ZNF385D: variants seen among roughly 807,000 people sequenced by gnomAD.
ZNF385D encodes zinc finger protein 659.
ZNF385D carries 15 observed loss-of-function variants against 35.8 expected under a neutral mutation model. The ratio of observed to expected loss-of-function variants is 0.42; its 90% CI spans 0.28 to 0.64. The LOEUF is 0.64. Ranked by LOEUF, ZNF385D falls within the 30% of genes least tolerant of loss-of-function variation. The pLI is 0.23. For missense variants in ZNF385D, 474 were observed against 494.6 expected (o/e 0.96, Z 0.39); for synonymous variants, 212 against 186.8 (o/e 1.13, Z -1.10).
At chr3:21,843,194 A>T (rs1695786487) in intron 3 of ZNF385D, among the ~76,000 whole-genome samples, 1 of 152,042 alleles carries the variant, frequency 6.6e-6, no homozygotes, top group East Asian at 1.9e-4. Context: ...CTGAGCAGTT[A>T]GAAGATAGTA....
chr3:21,630,045 A>C (rs1048850988), intron 2 of ZNF385D, among the ~76,000 whole-genome samples: 2 of 152,096 alleles, frequency 1.3e-5, no homozygotes, highest in African/African-American at 4.8e-5. Context: ...TCATCCTATG[A>C]AGTTTATTTT....
At chr3:22,307,498 G>C (rs888371274) in intron 2 of ZNF385D, among the ~76,000 whole-genome samples, 4 of 152,052 alleles carry the variant, frequency 2.6e-5, no homozygotes, top group Admixed American at 2.0e-4. Flanking sequence ...TGGTTATTTG[G>C]AGAATAAATA....
intron 3 of ZNF385D, among the ~76,000 whole-genome samples, chr3:21,775,719 T>C (rs891454888): frequency 2.0e-5 from 3 of 151,928 alleles, no homozygotes; most frequent in Admixed American, 6.6e-5. Context: ...AAGTATTCGA[T>C]GACAGGAAAT....
At chr3:21,475,910 A>G (rs1231362409) in intron 4 of ZNF385D, among the ~76,000 whole-genome samples, 2 of 152,046 alleles carry the variant, frequency 1.3e-5, no homozygotes, top group African/African-American at 2.4e-5. Context: ...TTATGTAGGG[A>G]AAGACCTCAT....
intron 3 of ZNF385D, among the ~76,000 whole-genome samples, chr3:21,927,540 A>C (rs1700789814): frequency 6.6e-6 from 1 of 152,170 alleles, no homozygotes; most frequent in South Asian, 2.1e-4. Context: ...AACGAAACAA[A>C]AAGAGATTGC....
intron 1 of ZNF385D, among the ~76,000 whole-genome samples, chr3:21,690,649 C>T (rs749349457): frequency 2.0e-5 from 3 of 152,184 alleles, no homozygotes; most frequent in African/African-American, 7.2e-5. Context: ...TCTCACCATA[C>T]ACTTTTCTCT....
intron 2 of ZNF385D, among the ~76,000 whole-genome samples, chr3:22,264,037 T>C (rs780861015): frequency 2.0e-5 from 3 of 151,934 alleles, no homozygotes; most frequent in Non-Finnish European, 4.4e-5. Context: ...GCAATGTGAA[T>C]ATAAATATAT....
At chr3:21,873,088 G>A (rs78438499) in intron 3 of ZNF385D, among the ~76,000 whole-genome samples, 2,170 of 152,206 alleles carry the variant, frequency 0.014, 44 homozygotes, top group African/African-American at 0.049. Flanking sequence ...ATTGGTACAA[G>A]TGGATTTTAT....
intron 2 of ZNF385D, among the ~76,000 whole-genome samples, chr3:21,636,409 T>G (rs1559478956): frequency 6.8e-5 from 3 of 44,096 alleles, no homozygotes; most frequent in South Asian, 6.6e-4. Flanking sequence ...TATATATATA[T>G]ATATAGAGTT....
At chr3:22,153,207 G>C (rs1383934771) in intron 3 of ZNF385D, among the ~76,000 whole-genome samples, 1 of 152,114 alleles carries the variant, frequency 6.6e-6, no homozygotes, top group Non-Finnish European at 1.5e-5. Flanking sequence ...CAGAGAATGA[G>C]CAACCTCCTG....
rs368022316 is a variant in ZNF385D, at chr3:21,704,652, G to A, written c.23-39624C>T. ...GTCACATGAGTAGCTGGGACTACAG[G>A]CATGCACCACCAGGCCCAGCTAGGA... On this transcript the variant is annotated intron_variant, in intron 1 of 7. Coordinates refer to ENST00000281523, the MANE Select transcript of ZNF385D (RefSeq NM_024697.3). Among the ~76,000 whole-genome samples the A allele has an allele frequency of 7.7e-4, 117 of 151,934 alleles. 1 individual carries two copies. The highest frequency in any genetic ancestry group is 2.9e-3 in the South Asian group (14 of 4,790).
At chr3:21,577,444 A>G (rs561451089) in intron 2 of ZNF385D, among the ~76,000 whole-genome samples, 3 of 152,260 alleles carry the variant, frequency 2.0e-5, no homozygotes, top group Admixed American at 6.5e-5. Context: ...TATCTTAGCT[A>G]TTGTGCATAA....
intron 3 of ZNF385D, among the ~76,000 whole-genome samples, chr3:22,102,524 G>A (rs1312217044): frequency 6.6e-6 from 1 of 151,926 alleles, no homozygotes; most frequent in Non-Finnish European, 1.5e-5. Flanking sequence ...TCTAAAACCA[G>A]GGAAGGCTAT....
chr3:22,250,911 A>G (rs1014136066), intron 2 of ZNF385D, among the ~76,000 whole-genome samples: 2 of 152,094 alleles, frequency 1.3e-5, no homozygotes, highest in Non-Finnish European at 2.9e-5. Context: ...TTTATTAATG[A>G]GGACTTGAGA....
At chr3:22,296,160 T>G (rs1158033181) in intron 2 of ZNF385D, among the ~76,000 whole-genome samples, 1 of 152,160 alleles carries the variant, frequency 6.6e-6, no homozygotes, top group Non-Finnish European at 1.5e-5. Flanking sequence ...CAGATAACAC[T>G]TTCTGTTTCA....
At chr3:22,097,702 G>C (rs1033439414) in intron 3 of ZNF385D, among the ~76,000 whole-genome samples, 1 of 152,042 alleles carries the variant, frequency 6.6e-6, no homozygotes, top group Non-Finnish European at 1.5e-5. Context: ...TCATTCCTGA[G>C]AGGATGAAGC....
chr3:22,278,273 C>G (rs78976073), intron 2 of ZNF385D, among the ~76,000 whole-genome samples: 3 of 152,226 alleles, frequency 2.0e-5, no homozygotes, highest in Non-Finnish European at 2.9e-5. Context: ...ATGGTGACTG[C>G]TTCATTGTCA....
Position 21,873,083 on chromosome 3 carries a change from T to C in ZNF385D, c.326-208055A>G, listed in dbSNP as rs568374454. Among the ~76,000 whole-genome samples, 47 of 152,292 alleles carry C rather than the reference T, an allele frequency of 3.1e-4. 1 individual carries two copies. The South Asian group carries it at 4.1e-3, about 13-fold the overall frequency. ...CTCTTTTAAGGTTTATCTTTATTGG[T>C]ACAAGTGGATTTTATAAACTTTAAA... On this transcript the variant is annotated intron_variant, in intron 3 of 5. Coordinates refer to the ZNF385D transcript ENST00000494108.
chr3:21,476,908 C>T (rs948122977), intron 4 of ZNF385D, among the ~76,000 whole-genome samples: 2 of 151,836 alleles, frequency 1.3e-5, no homozygotes, highest in East Asian at 3.9e-4. Flanking sequence ...CCATACCCCT[C>T]TCTGTGTTTT....
Sources: allele counts gnomAD v4.1 joint callset (sites outside exome capture counted in the v4.1 genomes callset), GRCh38; gene constraint gnomAD v4.1.1; transcripts MANE v1.5; gene names NCBI Gene and HGNC (gene_info 2026-07-23, HGNC 2026-07-21).